Variants in POLR1D observed in about 807,000 individuals in gnomAD.
The protein encoded by POLR1D is DNA-directed RNA polymerases I and III subunit RPAC2.
In POLR1D, 8 loss-of-function variants were observed where a neutral mutation model predicts 10.8. That is an observed-to-expected ratio of 0.74 (90% CI 0.43 to 1.33). The LOEUF (loss-of-function observed/expected upper bound fraction) is 1.33. Among genes scored for constraint, POLR1D ranks in the 40% most tolerant of loss-of-function variants. The pLI is 0.01. For synonymous variants in POLR1D, 54 were observed against 57.2 expected (o/e 0.94, Z 0.25); for missense variants, 152 against 161.7 (o/e 0.94, Z 0.32).
intron 2 of POLR1D, among the ~76,000 whole-genome samples, chr13:27,649,383 C>G (rs1427913201): frequency 6.6e-6 from 1 of 152,032 alleles, no homozygotes; most frequent in Admixed American, 6.6e-5. Flanking sequence ...GAGTGGATGG[C>G]TTAGCTACAT....
intron 2 of POLR1D, among the ~76,000 whole-genome samples, chr13:27,661,972 TCTACAAATAC>T (rs1956368885): frequency 6.6e-6 from 1 of 152,218 alleles, no homozygotes; most frequent in Non-Finnish European, 1.5e-5. Context: ...ATCTGAAACT[TCTACAAATAC>T]AAATCTAACC....
At chr13:27,650,774 A>G (rs1236984015) in intron 2 of POLR1D, 4 of 152,244 alleles carry the variant, frequency 2.6e-5, no homozygotes, top group African/African-American at 9.6e-5. Context: ...TTAAAAAACA[A>G]ATAAATGATT....
Position 27,630,153 on chromosome 13 carries a change from C to T in POLR1D, c.26+8144C>T, listed in dbSNP as rs186608102. On this transcript the variant is annotated intron_variant, in intron 1 of 2. Transcript: ENST00000399697. Reference sequence around the variant, plus strand: ...GTCTTGAACTCCTGACCTCGTGATCCGCCCGCCTCCGGCTCCCAAAGTGCT... The same window carrying T: ...GTCTTGAACTCCTGACCTCGTGATCTGCCCGCCTCCGGCTCCCAAAGTGCT... Among the ~76,000 whole-genome samples the T allele has an allele frequency of 1.6e-3, 237 of 152,192 alleles. 1 individual carries two copies. Among genetic ancestry groups the T allele is most frequent in the African/African-American group, 5.3e-3 (222 of 41,520 alleles).
chr13:27,646,073 C>T (rs1212968995), intron 1 of POLR1D: 2 of 152,172 alleles, frequency 1.3e-5, no homozygotes, highest in African/African-American at 4.8e-5. Flanking sequence ...AACATTTTAA[C>T]ATAGTTTTTA....
At chr13:27,648,150 AAT>A (rs1956236631) in intron 1 of POLR1D, 1 of 397,902 alleles carries the variant, frequency 2.5e-6, no homozygotes, top group African/African-American at 2.0e-5. Context: ...TCATATCAAA[AAT>A]ATTTTTCCAG....
chr13:27,636,358 A>G (rs894231724), intron 1 of POLR1D, among the ~76,000 whole-genome samples: 3 of 152,178 alleles, frequency 2.0e-5, no homozygotes, highest in African/African-American at 7.2e-5. Flanking sequence ...TATATGACAA[A>G]GTTAAACCAG....
At chr13:27,654,867 T>C (rs894613322) in intron 2 of POLR1D, among the ~76,000 whole-genome samples, 1 of 152,194 alleles carries the variant, frequency 6.6e-6, no homozygotes, top group African/African-American at 2.4e-5. Flanking sequence ...TGCCACTGTT[T>C]TACTTGTTGC....
At chr13:27,635,688 C>G (rs954237716) in intron 1 of POLR1D, among the ~76,000 whole-genome samples, 1 of 117,720 alleles carries the variant, frequency 8.5e-6, no homozygotes, top group East Asian at 2.3e-4. Context: ...TCTATAGTTA[C>G]AAAGTAACTA....
chr13:27,630,495 C>A (rs527559625), intron 1 of POLR1D, among the ~76,000 whole-genome samples: 1 of 152,018 alleles, frequency 6.6e-6, no homozygotes. Flanking sequence ...CTTTCTCTTT[C>A]TCTGCTGACC....
chr13:27,666,005 G>A (rs757957762), exon 3 of POLR1D: 2 of 1,557,166 alleles, frequency 1.3e-6, no homozygotes, highest in East Asian at 2.2e-5. Context: ...CCTTCGGGGT[G>A]CGGTGTGCGG....
intron 1 of POLR1D, among the ~76,000 whole-genome samples, chr13:27,630,509 T>C (rs1956062595): frequency 6.6e-6 from 1 of 152,152 alleles, no homozygotes. Flanking sequence ...GCTGACCTCT[T>C]TCAAGGCAGT....
Position 27,623,344 on chromosome 13 carries a change from C to T in POLR1D, c.*94C>T, listed in dbSNP as rs1433115655. 1 of 1,576,862 alleles carries T rather than the reference C, an allele frequency of 6.3e-7. No homozygotes were observed. Among genetic ancestry groups the T allele is most frequent in the Non-Finnish European group, 8.6e-7 (1 of 1,162,256 alleles). ...ATTAGAAGTTTGTGGTTACAGCATA[C>T]TCTGTCCTTCAGAAAGGCGTGATTC... On this transcript the variant is annotated 3_prime_UTR_variant, in exon 2 of 2. Transcript: ENST00000302979.
rs147163785 is a variant in POLR1D, at chr13:27,641,253, A to G, written c.27-7126A>G. ...CTCTCTTAGCGTTTGCTTGACAGCA[A>G]TTGGGCCATATGCTAAACTTCCATA... On this transcript the variant is annotated intron_variant, in intron 1 of 2. Transcript: ENST00000399697. Among the ~76,000 whole-genome samples, 146 of 152,340 alleles carry G rather than the reference A, an allele frequency of 9.6e-4. 2 individuals are homozygous for G. The highest frequency in any genetic ancestry group is 7.5e-3 in the Admixed American group (114 of 15,302).
chr13:27,656,288 T>C (rs988084951), intron 2 of POLR1D, among the ~76,000 whole-genome samples: 9 of 152,204 alleles, frequency 5.9e-5, no homozygotes, highest in Non-Finnish European at 1.3e-4. Context: ...ACTAATACTC[T>C]AAGTATTGAA....
intron 2 of POLR1D, among the ~76,000 whole-genome samples, chr13:27,649,604 A>G (rs1956249332): frequency 1.3e-5 from 2 of 152,244 alleles, no homozygotes; most frequent in Non-Finnish European, 2.9e-5. Flanking sequence ...CTACAAATAT[A>G]AAATCAAAGA....
intron 1 of POLR1D, among the ~76,000 whole-genome samples, chr13:27,622,648 C>A (rs1033827442): frequency 1.3e-5 from 2 of 152,062 alleles, no homozygotes; most frequent in African/African-American, 4.8e-5. Context: ...AGAAAACTCC[C>A]CTTGTGGCCA....
upstream of POLR1D, chr13:27,621,867 T>A: frequency 9.1e-7 from 1 of 1,096,382 alleles, no homozygotes; most frequent in Non-Finnish European, 1.4e-6. Flanking sequence ...CCTCCTTCCG[T>A]CCTCCGCGCC....
intron 1 of POLR1D, among the ~76,000 whole-genome samples, chr13:27,635,655 T>A (rs1213310551): frequency 3.3e-5 from 5 of 149,650 alleles, no homozygotes; most frequent in South Asian, 2.1e-4. Flanking sequence ...TTTTTAAAAA[T>A]TCTTAATAGA....
At chr13:27,660,238 A>G (rs747841368) in intron 2 of POLR1D, among the ~76,000 whole-genome samples, 3 of 152,194 alleles carry the variant, frequency 2.0e-5, no homozygotes, top group Non-Finnish European at 4.4e-5. Flanking sequence ...AAGATAAAAA[A>G]TATTCCCCTT....
Sources: gnomAD v4.1 joint callset for allele counts (sites outside exome capture counted in the v4.1 genomes callset) on GRCh38, gnomAD v4.1.1 for gene constraint, MANE v1.5 for transcripts, NCBI Gene and HGNC (gene_info 2026-07-23, HGNC 2026-07-21) for gene names.